Variants in INSL6 observed in about 807,000 individuals in gnomAD.
INSL6 encodes insulin-like peptide INSL6.
In INSL6, 16 loss-of-function variants were observed where a neutral mutation model predicts 9.4. The observed-to-expected ratio is 1.70, with a 90% CI of 1.15 to 2.59. The LOEUF is 2.59. INSL6 is among the 30% of genes most tolerant of loss of function. The pLI, the probability that INSL6 is intolerant of heterozygous loss-of-function variation, is 0.00. For synonymous variants in INSL6, 154 were observed against 96.9 expected (o/e 1.59, Z -3.46); for missense variants, 391 against 257.3 (o/e 1.52, Z -3.56).
chr9:5,135,914 T>C lies in INSL6; in HGVS notation c.377-2322A>G, dbSNP rs143359499. Reference sequence around the variant, plus strand: ...AACAAGAAAAGAGAGAAGAATCAAATAGACTTAATAAAAAATGATAAAGGG... The same window carrying C: ...AACAAGAAAAGAGAGAAGAATCAAACAGACTTAATAAAAAATGATAAAGGG... On this transcript the variant is annotated intron_variant, in intron 2 of 3. Transcript: ENST00000649639. Among the ~76,000 whole-genome samples the C allele has an allele frequency of 1.6e-4, 25 of 151,778 alleles. No homozygotes were observed. The East Asian group carries it at 4.7e-3, about 28-fold the overall frequency.
At chr9:5,042,469 G>C in the INSL6 span, among the ~76,000 whole-genome samples, 36 of 152,298 alleles carry the variant, frequency 2.4e-4, no homozygotes, top group African/African-American at 8.7e-4. Context: ...CCTGTGTCTA[G>C]TCCTCCCCTC....
chr9:5,080,588 T>G, the INSL6 span: 1 of 1,607,390 alleles, frequency 6.2e-7, no homozygotes, highest in Non-Finnish European at 8.5e-7. Flanking sequence ...TGGGCAGAAT[T>G]AGCAAACCTT....
chr9:5,142,844 A>G (rs564937311), intron 2 of INSL6, among the ~76,000 whole-genome samples: 1 of 152,286 alleles, frequency 6.6e-6, no homozygotes, highest in South Asian at 2.1e-4. Flanking sequence ...CTTGTCATAT[A>G]CGGCTCTTGT....
intron 2 of INSL6, among the ~76,000 whole-genome samples, chr9:5,146,926 C>T (rs1824611022): frequency 6.6e-6 from 1 of 152,128 alleles, no homozygotes; most frequent in Admixed American, 6.5e-5. Flanking sequence ...TGTTAGCAAG[C>T]ATGACCAGGA....
chr9:5,166,564 G>T (rs1396986986), intron 1 of INSL6, among the ~76,000 whole-genome samples: 1 of 152,028 alleles, frequency 6.6e-6, no homozygotes, highest in African/African-American at 2.4e-5. Context: ...TAAAAATAAA[G>T]ATTAAATGGA....
the INSL6 span, chr9:5,044,573 G>C: frequency 9.0e-7 from 1 of 1,116,870 alleles, no homozygotes; most frequent in Non-Finnish European, 1.3e-6. Flanking sequence ...ATATCTTGCT[G>C]TTTAATAAGT....
the INSL6 span, chr9:5,054,652 GA>G: frequency 6.2e-7 from 1 of 1,613,214 alleles, no homozygotes; most frequent in Non-Finnish European, 8.5e-7. The surrounding 1 kb of genome is among the most constrained non-coding windows in gnomAD (Gnocchi z 4.9). Context: ...AGATTTCGCA[GA>G]TTTATTCAGC....
At chr9:5,114,196 AC>A in the INSL6 span, 1 of 475,682 alleles carries the variant, frequency 2.1e-6, no homozygotes, top group African/African-American at 2.0e-5. Flanking sequence ...GTGAGCACCT[AC>A]CTGAGCCGGT....
chr9:5,120,219 C>G (rs554789171), downstream of INSL6, among the ~76,000 whole-genome samples: 99 of 152,268 alleles, frequency 6.5e-4, no homozygotes, highest in African/African-American at 2.3e-3. Flanking sequence ...CGAGAGGGGC[C>G]AAATGCTGCA....
In INSL6 at chr9:5,164,267, T is replaced by G; in HGVS notation, c.290-2A>C. 3.2e-6 allele frequency: 5 copies of G among 1,574,322 alleles called. No homozygotes were observed. Among genetic ancestry groups the G allele is most frequent in the Non-Finnish European group, 3.5e-6 (4 of 1,151,028 alleles). ...CTGCTTCTTCCCAAGAAGTAGACAC[T>G]GTTGAGAGAGAAGAAAATAAATGCT... On this transcript the variant is annotated splice_acceptor_variant, in intron 1 of 1. Coordinates refer to ENST00000381641, the MANE Select transcript of INSL6 (RefSeq NM_007179.3). LOFTEE classifies it high-confidence loss of function.
At chr9:5,176,351 T>C (rs1032235841) in intron 1 of INSL6, among the ~76,000 whole-genome samples, 17 of 152,206 alleles carry the variant, frequency 1.1e-4, no homozygotes, top group East Asian at 3.8e-4. Flanking sequence ...TTATCCTGTT[T>C]CATTTTTCAT....
intron 3 of INSL6, among the ~76,000 whole-genome samples, chr9:5,131,275 A>C (rs1263244726): frequency 1.3e-5 from 2 of 152,204 alleles, no homozygotes; most frequent in African/African-American, 4.8e-5. Context: ...TGGCTATCCT[A>C]AATTTTAAGT....
At chr9:5,006,436 T>A in the INSL6 span, among the ~76,000 whole-genome samples, 1 of 152,172 alleles carries the variant, frequency 6.6e-6, no homozygotes, top group Non-Finnish European at 1.5e-5. Flanking sequence ...GTATATTCAA[T>A]TTTTAAATTA....
the INSL6 span, among the ~76,000 whole-genome samples, chr9:5,103,067 G>A: frequency 0.24 from 36,507 of 151,310 alleles, 4,829 homozygotes; most frequent in South Asian, 0.3. Context: ...ATGTAAATGG[G>A]ATGAATGCCC....
chr9:5,162,076 A>G (rs1249975595), downstream of INSL6, among the ~76,000 whole-genome samples: 1 of 152,048 alleles, frequency 6.6e-6, no homozygotes, highest in Non-Finnish European at 1.5e-5. Flanking sequence ...CTGCCTCAAA[A>G]AAAAAAAAGG....
chr9:5,154,271 T>G (rs1824772556), intron 2 of INSL6, among the ~76,000 whole-genome samples: 1 of 152,266 alleles, frequency 6.6e-6, no homozygotes, highest in Non-Finnish European at 1.5e-5. Flanking sequence ...GCTAGTCATT[T>G]GCAGAAAGCT....
chr9:5,045,206 G>C, the INSL6 span, among the ~76,000 whole-genome samples: 2 of 152,240 alleles, frequency 1.3e-5, no homozygotes, highest in East Asian at 1.9e-4. Context: ...TAGTGCTCTT[G>C]GGTAAAAATA....
At chr9:5,083,668 A>G in the INSL6 span, among the ~76,000 whole-genome samples, 1 of 152,164 alleles carries the variant, frequency 6.6e-6, no homozygotes, top group Non-Finnish European at 1.5e-5. Context: ...TGTCAAAACA[A>G]TGGAATATAT....
At chr9:5,079,588 G>A in the INSL6 span, among the ~76,000 whole-genome samples, 15 of 151,392 alleles carry the variant, frequency 9.9e-5, no homozygotes, top group Non-Finnish European at 1.5e-5. Flanking sequence ...TACTACTTAC[G>A]CATTATGAAG....
Sources: gnomAD v4.1 joint callset for allele counts (sites outside exome capture counted in the v4.1 genomes callset) on GRCh38, gnomAD v4.1.1 for gene constraint, Gnocchi (gnomAD v3.1) non-coding constraint, MANE v1.5 for transcripts, NCBI Gene and HGNC (gene_info 2026-07-23, HGNC 2026-07-21) for gene names.